NR4A1: variants seen among roughly 807,000 people sequenced by gnomAD.
NR4A1 encodes nuclear receptor subfamily 4immunitygroup A member 1.
A neutral mutation model predicts 47.5 loss-of-function variants in NR4A1; 24 were observed. The ratio of observed to expected loss-of-function variants is 0.50; its 90% CI spans 0.37 to 0.71. The LOEUF (loss-of-function observed/expected upper bound fraction) is 0.71. NR4A1 is among the 30% of genes least tolerant of loss of function. The pLI, the probability that NR4A1 is intolerant of heterozygous loss-of-function variation, is 0.00. For missense variants in NR4A1, 669 were observed against 788.6 expected (o/e 0.85, Z 1.82); for synonymous variants, 353 against 345.7 (o/e 1.02, Z -0.24).
At chr12:52,056,756 TA>T in intron 4 of NR4A1, 111 bp downstream of exon 4, 1 of 498,954 alleles carries the variant, frequency 2.0e-6, no homozygotes, top group Non-Finnish European at 3.4e-6. Context: ...AAAGGAGGTT[TA>T]AAAAAGAAAG....
chr12:52,041,103 G>T (rs377261509), intron 1 of NR4A1, among the ~76,000 whole-genome samples: 1 of 152,152 alleles, frequency 6.6e-6, no homozygotes, highest in African/African-American at 2.4e-5. Context: ...GCTTTTATGT[G>T]TGTGTCCTCA....
chr12:52,035,870 G>GGGC (rs1331515023), intron 1 of NR4A1, among the ~76,000 whole-genome samples: 1 of 152,160 alleles, frequency 6.6e-6, no homozygotes, highest in Non-Finnish European at 1.5e-5. Context: ...TGGAGGTGTG[G>GGGC]GGCCTCTTTT....
chr12:52,037,240 G>A, intron 1 of NR4A1: 1 of 402,242 alleles, frequency 2.5e-6, no homozygotes, highest in Non-Finnish European at 3.3e-6. Context: ...CCGGGGGCGG[G>A]GGGCGCTGAG....
chr12:52,046,871 T>C (rs373233978), upstream of NR4A1, among the ~76,000 whole-genome samples: 1 of 152,232 alleles, frequency 6.6e-6, no homozygotes, highest in African/African-American at 2.4e-5. Context: ...TAGTCCCAGC[T>C]ACTCAGGAGG....
Position 52,054,785 on chromosome 12 carries a change from C to A in NR4A1, c.457C>A (p.Pro153Thr). The change falls in exon 2 of 7, where the codon CCC (proline) becomes ACC (threonine). Residue 153 changes from proline to threonine, a missense_variant. Physicochemically the swap from Pro to Thr is conservative, Grantham distance 38 (BLOSUM62 -1). Coordinates refer to ENST00000394825, the MANE Select transcript of NR4A1 (RefSeq NM_173157.3). Reference sequence around the variant, plus strand: ...CAGCTTCCAGCCGCCCCAGCTCTCTCCCTGGGATGGCTCCTTCGGCCACTT... The same window carrying A: ...CAGCTTCCAGCCGCCCCAGCTCTCTACCTGGGATGGCTCCTTCGGCCACTT... ...TPSFQPPQLS[P>T]WDGSFGHFSP... is the part of the protein sequence containing the mutation. The A allele has an allele frequency of 6.2e-7, 1 of 1,613,080 alleles. No homozygotes were observed. Among genetic ancestry groups the A allele is most frequent in the South Asian group, 1.1e-5 (1 of 91,076 alleles).
At chr12:52,041,264 G>A (rs1327044645) in intron 1 of NR4A1, among the ~76,000 whole-genome samples, 2 of 152,062 alleles carry the variant, frequency 1.3e-5, no homozygotes, top group Admixed American at 6.6e-5. Context: ...AGGAGCATGA[G>A]GTACAAAGAG....
chr12:52,041,695 C>G, intron 1 of NR4A1: 1 of 1,162,170 alleles, frequency 8.6e-7, no homozygotes, highest in Middle Eastern at 2.2e-4. Flanking sequence ...TTGTCCCCCT[C>G]TTGTGGCCTA....
chr12:52,028,063 G>A (rs371606549), intron 1 of NR4A1, among the ~76,000 whole-genome samples: 5 of 151,962 alleles, frequency 3.3e-5, no homozygotes, highest in Admixed American at 6.6e-5. Context: ...TTAGCCGGGC[G>A]TGGTGGCATG....
chr12:52,034,224 C>T (rs1025985765), intron 1 of NR4A1, among the ~76,000 whole-genome samples: 1 of 152,234 alleles, frequency 6.6e-6, no homozygotes, highest in Admixed American at 6.5e-5. Flanking sequence ...CCTACATTCT[C>T]TTCCTCCAGG....
intron 1 of NR4A1, chr12:52,054,018 C>T (rs1464858529): frequency 2.5e-5 from 9 of 353,982 alleles, no homozygotes; most frequent in Admixed American, 4.4e-5. Flanking sequence ...CAGCTTCCCC[C>T]TGTTCTAGCA....
At chr12:52,042,715 T>C (rs1246901539) in intron 2 of NR4A1, among the ~76,000 whole-genome samples, 1 of 152,150 alleles carries the variant, frequency 6.6e-6, no homozygotes, top group African/African-American at 2.4e-5. Context: ...CACACTGATC[T>C]GGGGCTGAGA....
upstream of NR4A1, chr12:52,051,361 C>G: frequency 1.0e-6 from 1 of 984,328 alleles, no homozygotes; most frequent in Non-Finnish European, 1.2e-6. Flanking sequence ...CAAAGCTCGA[C>G]GGGCGGCCTG....
chr12:52,047,849 A>G (rs1402632970), upstream of NR4A1, among the ~76,000 whole-genome samples: 1 of 152,186 alleles, frequency 6.6e-6, no homozygotes, highest in Non-Finnish European at 1.5e-5. Context: ...GGCTGGTTCA[A>G]CTCTCAAAGA....
chr12:52,048,226 G>A (rs1393373124), upstream of NR4A1, among the ~76,000 whole-genome samples: 1 of 152,020 alleles, frequency 6.6e-6, no homozygotes, highest in Non-Finnish European at 1.5e-5. Context: ...TCAAGCCACA[G>A]ATAACGCACT....
At position 52,058,979 on chromosome 12, in the gene NR4A1, C is replaced by T. The variant is rs752914743; in HGVS notation, c.*35C>T. 1.6e-5 allele frequency: 25 copies of T among 1,581,000 alleles called. No individual in the cohort carries two copies. In the South Asian group the frequency reaches 2.3e-4, roughly 14 times the overall value. On this transcript the variant is annotated 3_prime_UTR_variant, in exon 7 of 7. Transcript: ENST00000394825. The stretch of plus-strand genomic sequence containing the variant: ...GGGAACACGTGTGCACATGCGCACT[C>T]TCATATGCCACCCCATGTGCCTTTA...
At position 52,032,824 on chromosome 12, in the gene NR4A1, G is replaced by A. The variant is rs147014365; in HGVS notation, c.-83-8986G>A. Among the ~76,000 whole-genome samples the A allele has an allele frequency of 6.2e-3, 938 of 152,160 alleles. 7 individuals are homozygous for A. Among genetic ancestry groups the A allele is most frequent in the African/African-American group, 0.02 (834 of 41,496 alleles). On this transcript the variant is annotated intron_variant, in intron 1 of 7. Transcript: ENST00000360284. Reference sequence around the variant, plus strand: ...CTGGAAAGACAGCTCAAGAATTAAGGGTGCTCACCCTTAATTACACTCCAT... The same window carrying A: ...CTGGAAAGACAGCTCAAGAATTAAGAGTGCTCACCCTTAATTACACTCCAT...
upstream of NR4A1, among the ~76,000 whole-genome samples, chr12:52,049,681 G>C (rs913484580): frequency 1.3e-5 from 2 of 152,136 alleles, no homozygotes; most frequent in Non-Finnish European, 2.9e-5. Flanking sequence ...AACAAAAACG[G>C]GGAGAGGAAA....
chr12:52,041,750 C>T (rs1938447137), intron 1 of NR4A1: 5 of 1,258,534 alleles, frequency 4.0e-6, no homozygotes, highest in Non-Finnish European at 4.0e-6. Flanking sequence ...GGCATGCTGT[C>T]TCCAGGGAAT....
chr12:52,052,304 T>TGTGA (rs398019589), intron 1 of NR4A1, among the ~76,000 whole-genome samples: 3 of 70,592 alleles, frequency 4.2e-5, no homozygotes, highest in Admixed American at 1.5e-4. Context: ...TGTGTGTGTG[T>TGTGA]GAGAGAGAGA....
Sources: allele counts gnomAD v4.1 joint callset (sites outside exome capture counted in the v4.1 genomes callset), GRCh38; gene constraint gnomAD v4.1.1; transcripts MANE v1.5; gene names NCBI Gene and HGNC (gene_info 2026-07-23, HGNC 2026-07-21).